Variants in FMN2 observed in about 807,000 individuals in gnomAD.
FMN2 encodes the protein formin-2.
FMN2 carries 51 observed loss-of-function variants against 142.3 expected under a neutral mutation model. That is an observed-to-expected ratio of 0.36 (90% confidence interval 0.29 to 0.45). FMN2 has a LOEUF of 0.45. FMN2 is among the 20% of genes least tolerant of loss of function. The pLI, the probability that FMN2 is intolerant of heterozygous loss-of-function variation, is 1.00. For missense variants in FMN2, 1,936 were observed against 2,122.8 expected (o/e 0.91, Z 1.73); for synonymous variants, 882 against 869.8 (o/e 1.01, Z -0.25).
intron 6 of FMN2, among the ~76,000 whole-genome samples, chr1:240,237,594 C>T (rs192843879): frequency 1.0e-3 from 155 of 152,284 alleles, no homozygotes; most frequent in Admixed American, 4.8e-3. Context: ...ACGTCTTCCT[C>T]TCAGATTGAG....
At chr1:240,164,214 G>A (rs1226762808) in intron 2 of FMN2, among the ~76,000 whole-genome samples, 1 of 152,012 alleles carries the variant, frequency 6.6e-6, no homozygotes, top group Non-Finnish European at 1.5e-5. Flanking sequence ...TTTTAAAACT[G>A]CATACATTTT....
chr1:240,345,270 T>C (rs1269681225), intron 13 of FMN2, among the ~76,000 whole-genome samples: 5 of 152,180 alleles, frequency 3.3e-5, no homozygotes, highest in African/African-American at 9.7e-5. Flanking sequence ...TATGAGAGTG[T>C]AAATGTCAAT....
At chr1:240,266,575 G>T (rs181238753) in intron 7 of FMN2, among the ~76,000 whole-genome samples, 33 of 152,144 alleles carry the variant, frequency 2.2e-4, no homozygotes, top group Non-Finnish European at 3.8e-4. Context: ...ATGTTCCGTG[G>T]TATATATGTA....
chr1:240,182,506 A>T (rs926177449), intron 3 of FMN2, among the ~76,000 whole-genome samples: 2 of 152,234 alleles, frequency 1.3e-5, no homozygotes, highest in African/African-American at 4.8e-5. Flanking sequence ...GAAGATTTTC[A>T]TGTGAAAATC....
intron 13 of FMN2, among the ~76,000 whole-genome samples, chr1:240,346,118 A>T (rs1671900544): frequency 1.3e-5 from 2 of 152,136 alleles, no homozygotes; most frequent in Non-Finnish European, 2.9e-5. Flanking sequence ...AAATATATAG[A>T]CAAGTACAGT....
At chr1:240,468,349 T>G (rs546001669) in intron 16 of FMN2, among the ~76,000 whole-genome samples, 1 of 108,398 alleles carries the variant, frequency 9.2e-6, no homozygotes, top group South Asian at 2.7e-4. Context: ...CGTATATATA[T>G]CTCTTCATGA....
At chr1:240,387,005 G>A (rs1434327576) in intron 14 of FMN2, among the ~76,000 whole-genome samples, 1 of 152,210 alleles carries the variant, frequency 6.6e-6, no homozygotes, top group Non-Finnish European at 1.5e-5. Flanking sequence ...GATTTGCGGG[G>A]TGGGCAAAAG....
intron 3 of FMN2, among the ~76,000 whole-genome samples, chr1:240,183,413 A>G (rs1009900917): frequency 1.4e-5 from 2 of 148,092 alleles, no homozygotes; most frequent in Non-Finnish European, 3.0e-5. Flanking sequence ...AATATATAAT[A>G]TAATATATAT....
At chr1:240,145,141 C>A in intron 2 of FMN2, 1 of 1,483,604 alleles carries the variant, frequency 6.7e-7, no homozygotes, top group South Asian at 1.1e-5. Flanking sequence ...TCTGCCTTCG[C>A]ATTTCCTCCA....
Position 240,230,038 on chromosome 1 carries a change from C to T in FMN2, c.4065+18803C>T, listed in dbSNP as rs185202894. Reference sequence around the variant, plus strand: ...AACCAAAAATTTATAGAAGAGAGGCCGGCGCAGTGGTTCATGCCTATAATC... The same window carrying T: ...AACCAAAAATTTATAGAAGAGAGGCTGGCGCAGTGGTTCATGCCTATAATC... On this transcript the variant is annotated intron_variant, in intron 6 of 17. Transcript: ENST00000319653. Among the ~76,000 whole-genome samples the T allele has an allele frequency of 5.1e-4, 67 of 131,186 alleles. 15 individuals carry two copies. The highest frequency in any genetic ancestry group is 9.6e-4 in the Non-Finnish European group (60 of 62,678). 86.1% of individuals were successfully genotyped at this position (131,186 alleles called of 152,430 possible). A position where few individuals can be genotyped will look rare whatever the true frequency, so the allele number is the denominator to read the frequency against.
At chr1:240,427,670 A>G (rs1675006743) in intron 15 of FMN2, among the ~76,000 whole-genome samples, 1 of 152,142 alleles carries the variant, frequency 6.6e-6, no homozygotes, top group South Asian at 2.1e-4. Context: ...TGTTCTATAG[A>G]GTTTCTCTAC....
rs533468581 is a variant in FMN2, at chr1:240,225,127, C to T, written c.4065+13892C>T. Among the ~76,000 whole-genome samples, 121 of 152,288 alleles carry T rather than the reference C, an allele frequency of 7.9e-4. 1 individual carries two copies. In the South Asian group the frequency reaches 0.024, roughly 30 times the overall value. Reference sequence around the variant, plus strand: ...GAGCAAACAATAAGCTATTCTGACACAGGGGCAATTCCTAAGAAACGAGGC... The same window carrying T: ...GAGCAAACAATAAGCTATTCTGACATAGGGGCAATTCCTAAGAAACGAGGC... On this transcript the variant is annotated intron_variant, in intron 6 of 17. Transcript: ENST00000319653.
intron 15 of FMN2, among the ~76,000 whole-genome samples, chr1:240,428,098 G>T (rs968090487): frequency 6.6e-6 from 1 of 152,070 alleles, no homozygotes; most frequent in African/African-American, 2.4e-5. Context: ...GAGCGGTGTC[G>T]CTAGCACCTT....
At chr1:240,229,409 G>A (rs79085074) in intron 6 of FMN2, among the ~76,000 whole-genome samples, 3,169 of 151,710 alleles carry the variant, frequency 0.021, 48 homozygotes, top group Non-Finnish European at 0.033. Context: ...TCTTCTCTTG[G>A]TAATCAACAT....
intron 1 of FMN2, 86 bp downstream of exon 1, chr1:240,093,810 G>C: frequency 2.0e-6 from 2 of 980,682 alleles, no homozygotes; most frequent in Non-Finnish European, 1.3e-6. Context: ...CCTGGGCTCT[G>C]GAAGGCGGTG....
chr1:240,264,236 C>T (rs1171192003), intron 7 of FMN2, among the ~76,000 whole-genome samples: 1 of 152,068 alleles, frequency 6.6e-6, no homozygotes, highest in Non-Finnish European at 1.5e-5. Flanking sequence ...TTTGGTCTGC[C>T]ATTGTCCTCC....
At chr1:240,181,994 A>G (rs1665175230) in intron 3 of FMN2, among the ~76,000 whole-genome samples, 1 of 152,224 alleles carries the variant, frequency 6.6e-6, no homozygotes, top group African/African-American at 2.4e-5. Context: ...ATCAGCTTTC[A>G]GAATTTCAAG....
chr1:240,180,035 A>T (rs1665085565), intron 3 of FMN2: 1 of 356,716 alleles, frequency 2.8e-6, no homozygotes, highest in African/African-American at 2.2e-5. Flanking sequence ...TTGGTAAAAG[A>T]TGATAGTTGG....
At chr1:240,368,945 AAC>A (rs1185915164) in intron 14 of FMN2, among the ~76,000 whole-genome samples, 1 of 121,874 alleles carries the variant, frequency 8.2e-6, no homozygotes, top group Non-Finnish European at 1.6e-5. Flanking sequence ...TAAAGTGTAC[AAC>A]ACAATGTTTA....
Sources: allele counts gnomAD v4.1 joint callset (sites outside exome capture counted in the v4.1 genomes callset), GRCh38; gene constraint gnomAD v4.1.1; transcripts MANE v1.5; gene names NCBI Gene and HGNC (gene_info 2026-07-23, HGNC 2026-07-21).